The following DDC variants were observed in gnomAD, a reference collection of about 807,000 sequenced individuals.
DDC encodes the protein dopa decarboxylase, also known as aromatic-L-amino-acid decarboxylase.
In DDC, 43 loss-of-function variants were observed where a neutral mutation model predicts 60.0. The ratio of observed to expected loss-of-function variants is 0.72; its 90% CI spans 0.56 to 0.92. The LOEUF (loss-of-function observed/expected upper bound fraction) is 0.92, where lower values mean the gene tolerates loss of function less well. Among genes scored for constraint, DDC ranks in the 40% least tolerant of loss-of-function variants. DDC has a pLI of 0.00. For missense variants in DDC, 573 were observed against 620.2 expected, an observed-to-expected ratio of 0.92 and a Z score of 0.81; for synonymous variants, 232 against 234.6, an observed-to-expected ratio of 0.99 and a Z score of 0.10.
At chr7:50,531,288 C>T (rs2044197973) in intron 4 of DDC, among the ~76,000 whole-genome samples, 1 of 152,142 alleles carries the variant, frequency 6.6e-6, no homozygotes, top group Admixed American at 6.5e-5. Flanking sequence ...CTCCTATGTA[C>T]CCCATCATTC....
intron 14 of DDC, 141 bp downstream of exon 14, chr7:50,463,072 C>T: frequency 2.7e-6 from 2 of 733,708 alleles, no homozygotes; most frequent in East Asian, 2.7e-5. Flanking sequence ...CCGGCCTTCT[C>T]TTCCTTATTT....
rs2044580636 is a variant in DDC, at chr7:50,540,239, A to T, written c.202-211T>A. On this transcript the variant is annotated intron_variant, in intron 2 of 14. Coordinates refer to ENST00000444124, the MANE Select transcript of DDC (RefSeq NM_001082971.2). ...CACCTTACTGTCCCCACTCCCTTTA[A>T]ACCAGCTCCCTTTTTGACACTGGAA... 5.3e-6 allele frequency: 3 copies of T among 564,776 alleles called. No homozygotes were observed. In the South Asian group the frequency reaches 5.4e-5, roughly 10 times the overall value. The allele number at this position is 564,776 out of a possible 1,614,324, so 35.0% of individuals were successfully genotyped here.
intron 6 of DDC, among the ~76,000 whole-genome samples, chr7:50,510,980 C>CAAAAAA (rs11309882): frequency 1.6e-5 from 1 of 60,920 alleles, no homozygotes; most frequent in Non-Finnish European, 2.8e-5. Context: ...GACTCTGTCT[C>CAAAAAA]AAAAAAAAAA....
chr7:50,528,160 C>T lies in DDC; in HGVS notation c.691G>A (p.Ala231Thr). The T allele has an allele frequency of 1.9e-6, 3 of 1,613,440 alleles. No individual in the cohort carries two copies. Among genetic ancestry groups the T allele is most frequent in the Non-Finnish European group, 2.5e-6 (3 of 1,180,036 alleles). ...ACAAAGAAAGGAATCAGGCCAGCCGCTTTGTCTCTCTCCAGGGCTTCCTGC... is the reference window on the plus strand; with the variant it reads ...ACAAAGAAAGGAATCAGGCCAGCCGTTTTGTCTCTCTCCAGGGCTTCCTGC... ...ALQEALERDK[A>T]AGLIPFFMVA... The change falls in exon 6 of 15, where the codon GCG (alanine) becomes ACG (threonine). Residue 231 changes from alanine to threonine, a missense_variant. By Grantham distance (58) the Ala-to-Thr change is moderately conservative. Transcript: ENST00000444124.
chr7:50,460,044 C>T (rs1318546054), intron 14 of DDC, among the ~76,000 whole-genome samples: 1 of 145,558 alleles, frequency 6.9e-6, no homozygotes, highest in Non-Finnish European at 1.5e-5. Context: ...GCTGCCCCGT[C>T]CGGGAAGGAG....
At chr7:50,540,932 G>GA (rs2044610447) in intron 2 of DDC, among the ~76,000 whole-genome samples, 1 of 152,224 alleles carries the variant, frequency 6.6e-6, no homozygotes, top group Admixed American at 6.5e-5. Flanking sequence ...TGGAGTCTGG[G>GA]AGGACGATCA....
At chr7:50,509,691 T>G (rs1184911068) in intron 6 of DDC, among the ~76,000 whole-genome samples, 1 of 152,252 alleles carries the variant, frequency 6.6e-6, no homozygotes, top group Non-Finnish European at 1.5e-5. Flanking sequence ...CATTTCTTAG[T>G]GCCTGTATTA....
chr7:50,527,651 A>C (rs1174011797), intron 6 of DDC: 1 of 167,618 alleles, frequency 6.0e-6, no homozygotes, highest in African/African-American at 2.4e-5. Flanking sequence ...GAAGCAGTAA[A>C]CACATATAGG....
intron 6 of DDC, among the ~76,000 whole-genome samples, chr7:50,521,985 A>AT (rs1381730869): frequency 6.6e-6 from 1 of 151,770 alleles, no homozygotes; most frequent in African/African-American, 2.4e-5. Flanking sequence ...AGGAAAGAAA[A>AT]AAAGTATCTT....
At chr7:50,460,167 CCCG>C (rs1236398334) in intron 14 of DDC, among the ~76,000 whole-genome samples, 1 of 146,170 alleles carries the variant, frequency 6.8e-6, no homozygotes. Flanking sequence ...GGCCAGCCGC[CCCG>C]TCCGGGAAGG....
intron 14 of DDC, among the ~76,000 whole-genome samples, chr7:50,461,050 A>AT (rs1428703302): frequency 2.0e-5 from 3 of 151,312 alleles, no homozygotes; most frequent in African/African-American, 7.3e-5. Context: ...GATCAATAAA[A>AT]AAAAAAATAA....
At chr7:50,466,001 G>A (rs111772794) in intron 13 of DDC, among the ~76,000 whole-genome samples, 10 of 152,238 alleles carry the variant, frequency 6.6e-5, no homozygotes, top group African/African-American at 2.4e-4. Context: ...GCTTTCCCAC[G>A]GCTGCAGCTC....
chr7:50,543,090 T>C (rs2044687059), intron 2 of DDC: 1 of 152,770 alleles, frequency 6.5e-6, no homozygotes, highest in African/African-American at 2.4e-5. Flanking sequence ...ACGGAGATTT[T>C]CCCTGCCTGG....
intron 9 of DDC, chr7:50,492,770 T>C: frequency 7.6e-6 from 11 of 1,446,102 alleles, no homozygotes; most frequent in Non-Finnish European, 1.0e-5. Context: ...CTTTGTCAAA[T>C]TTCCCCTCAC....
At chr7:50,522,355 C>T (rs867058926) in intron 6 of DDC, among the ~76,000 whole-genome samples, 4 of 152,070 alleles carry the variant, frequency 2.6e-5, no homozygotes, top group Admixed American at 6.6e-5. Flanking sequence ...CAACAAAATG[C>T]GTAAATTCAA....
At chr7:50,559,252 A>G (rs770882297) in intron 1 of DDC, among the ~76,000 whole-genome samples, 4 of 152,074 alleles carry the variant, frequency 2.6e-5, no homozygotes, top group Non-Finnish European at 2.9e-5. Context: ...GCCTCTGTAC[A>G]AACCAGAAGA....
intron 13 of DDC, among the ~76,000 whole-genome samples, chr7:50,464,344 C>T (rs928851573): frequency 2.6e-5 from 4 of 152,080 alleles, no homozygotes; most frequent in Non-Finnish European, 4.4e-5. Flanking sequence ...GTGCAAATCC[C>T]CTGGCCTCTA....
chr7:50,508,916 C>T (rs148155550), intron 6 of DDC, among the ~76,000 whole-genome samples: 34 of 152,276 alleles, frequency 2.2e-4, no homozygotes, highest in African/African-American at 6.0e-4. Flanking sequence ...GATCTCTGTA[C>T]GCTGCAGCCC....
chr7:50,516,366 T>G (rs1401568829), intron 6 of DDC, among the ~76,000 whole-genome samples: 3 of 152,126 alleles, frequency 2.0e-5, no homozygotes, highest in African/African-American at 7.2e-5. Context: ...AATTTAAAAA[T>G]TCTTCAAACA....
Sources: gnomAD v4.1 joint callset for allele counts (sites outside exome capture counted in the v4.1 genomes callset) on GRCh38, gnomAD v4.1.1 for gene constraint, MANE v1.5 for transcripts, NCBI Gene and HGNC (gene_info 2026-07-23, HGNC 2026-07-21) for gene names.